AQP7B: variants seen among roughly 807,000 people sequenced by gnomAD.
AQP7B encodes the protein putative aquaporin-7B.
the AQP7B span, among the ~76,000 whole-genome samples, chr2:94,601,231 T>A: frequency 1.3e-5 from 2 of 152,112 alleles, no homozygotes; most frequent in Non-Finnish European, 2.9e-5. Context: ...AGATTACCCA[T>A]CTGTCAAGTA....
At chr2:94,591,477 C>T in the AQP7B span, among the ~76,000 whole-genome samples, 2 of 152,140 alleles carry the variant, frequency 1.3e-5, no homozygotes, top group Admixed American at 1.3e-4. Context: ...ACTTCTCCAC[C>T]CATCTGTGGA....
At chr2:94,593,216 G>C in the AQP7B span, among the ~76,000 whole-genome samples, 13 of 152,106 alleles carry the variant, frequency 8.5e-5, no homozygotes, top group African/African-American at 3.1e-4. Flanking sequence ...GCCTAGAGGA[G>C]AGGGTAGGAG....
At chr2:94,604,391 G>C in the AQP7B span, 73 of 1,611,388 alleles carry the variant, frequency 4.5e-5, no homozygotes, top group Non-Finnish European at 5.9e-5. Flanking sequence ...CATCCCACGG[G>C]AGCCCCTGAA....
At chr2:94,601,531 C>G in the AQP7B span, among the ~76,000 whole-genome samples, 4 of 152,112 alleles carry the variant, frequency 2.6e-5, no homozygotes, top group African/African-American at 4.8e-5. Context: ...GTTGCTGGAG[C>G]CCTTGGAGAG....
At chr2:94,599,865 T>C in the AQP7B span, among the ~76,000 whole-genome samples, 2 of 145,698 alleles carry the variant, frequency 1.4e-5, no homozygotes, top group Admixed American at 6.7e-5. Context: ...GCCTTTCAAC[T>C]CTTTTTTTTT....
the AQP7B span, chr2:94,603,014 A>G: frequency 3.8e-6 from 6 of 1,587,468 alleles, no homozygotes; most frequent in Non-Finnish European, 3.4e-6. Context: ...TCACTCCCTG[A>G]CACACTTGCC....
the AQP7B span, among the ~76,000 whole-genome samples, chr2:94,587,598 C>A: frequency 1.3e-5 from 2 of 152,112 alleles, no homozygotes; most frequent in Non-Finnish European, 2.9e-5. Context: ...GTGACACAGG[C>A]ACATACACCT....
At chr2:94,591,075 G>A in the AQP7B span, among the ~76,000 whole-genome samples, 4 of 151,844 alleles carry the variant, frequency 2.6e-5, no homozygotes, top group Non-Finnish European at 5.9e-5. Context: ...TTGCTTTGTA[G>A]GCTGGCTTTC....
chr2:94,589,420 G>A, the AQP7B span, among the ~76,000 whole-genome samples: 7 of 151,876 alleles, frequency 4.6e-5, no homozygotes, highest in Non-Finnish European at 7.4e-5. Flanking sequence ...CATCTTCATG[G>A]CTTTGCTCCA....
chr2:94,600,747 C>T, the AQP7B span, among the ~76,000 whole-genome samples: 4 of 152,048 alleles, frequency 2.6e-5, no homozygotes, highest in South Asian at 2.1e-4. Context: ...GGCATGGTGG[C>T]GTGCACCTAC....
At chr2:94,588,192 ACT>A in the AQP7B span, among the ~76,000 whole-genome samples, 12 of 152,098 alleles carry the variant, frequency 7.9e-5, no homozygotes, top group Admixed American at 7.2e-4. Context: ...GGCTGGAGCC[ACT>A]GAGTAGAGGC....
At chr2:94,593,502 T>TTG in the AQP7B span, among the ~76,000 whole-genome samples, 1 of 144,680 alleles carries the variant, frequency 6.9e-6, no homozygotes. Flanking sequence ...TTTTTTTTTT[T>TTG]GAGATGGAGT....
At chr2:94,591,881 G>C in the AQP7B span, among the ~76,000 whole-genome samples, 55 of 152,222 alleles carry the variant, frequency 3.6e-4, no homozygotes, top group African/African-American at 1.2e-3. Context: ...ATGCCCCACA[G>C]TGCCCACTCT....
the AQP7B span, chr2:94,588,399 C>T: frequency 3.3e-6 from 2 of 614,816 alleles, no homozygotes; most frequent in South Asian, 3.8e-5. Flanking sequence ...CTAGCAGGAG[C>T]TGCCCCAGGG....
the AQP7B span, among the ~76,000 whole-genome samples, chr2:94,590,938 C>G: frequency 8.9e-6 from 1 of 112,136 alleles, no homozygotes; most frequent in Non-Finnish European, 1.7e-5. Flanking sequence ...GAGTGAGACC[C>G]TGTCTCAAAA....
the AQP7B span, among the ~76,000 whole-genome samples, chr2:94,591,879 C>G: frequency 1.3e-5 from 2 of 152,294 alleles, no homozygotes; most frequent in South Asian, 2.1e-4. Context: ...ACATGCCCCA[C>G]AGTGCCCACT....
the AQP7B span, among the ~76,000 whole-genome samples, chr2:94,596,025 C>A: frequency 1.8e-4 from 28 of 152,200 alleles, 1 homozygote; most frequent in Admixed American, 1.1e-3. Context: ...GCAAAGGAGC[C>A]TGAGAAGGAA....
the AQP7B span, among the ~76,000 whole-genome samples, chr2:94,593,643 G>A: frequency 1.6e-4 from 24 of 151,952 alleles, no homozygotes; most frequent in Admixed American, 1.3e-3. Context: ...GTGCCACCAC[G>A]CCTGGCTAAT....
the AQP7B span, among the ~76,000 whole-genome samples, chr2:94,599,876 TC>T: frequency 2.1e-5 from 3 of 146,160 alleles, no homozygotes; most frequent in Non-Finnish European, 4.4e-5. Flanking sequence ...CTTTTTTTTT[TC>T]TTTTTTTTTT....
Sources: allele counts gnomAD v4.1 joint callset (sites outside exome capture counted in the v4.1 genomes callset), GRCh38; gene constraint gnomAD v4.1.1; transcripts MANE v1.5; gene names NCBI Gene and HGNC (gene_info 2026-07-23, HGNC 2026-07-21).